Variants in ERC1 observed in about 807,000 individuals in gnomAD.
The protein encoded by ERC1 is ELKS/RAB6-interacting/CAST family member 1, also known as RAB6 interacting protein 2.
Under a neutral mutation model 132.0 loss-of-function variants are expected in ERC1, and 56 were observed. That is an observed-to-expected ratio of 0.42 (90% CI 0.34 to 0.53). The LOEUF (loss-of-function observed/expected upper bound fraction) is 0.53, where lower values mean the gene tolerates loss of function less well. ERC1 is among the 20% of genes least tolerant of loss of function. The pLI, the probability that ERC1 is intolerant of heterozygous loss-of-function variation, is 0.03. For synonymous variants in ERC1, 478 were observed against 476.1 expected, an observed-to-expected ratio of 1.00 and a Z score of -0.05; for missense variants, 1,202 against 1,349.9, an observed-to-expected ratio of 0.89 and a Z score of 1.72.
chr12:1,269,702 A>G (rs571488511), intron 14 of ERC1, among the ~76,000 whole-genome samples: 1 of 152,338 alleles, frequency 6.6e-6, no homozygotes, highest in East Asian at 1.9e-4. Flanking sequence ...CACACACCTG[A>G]AAGTGCATGA....
At chr12:1,017,414 T>C (rs1317542607) in intron 1 of ERC1, among the ~76,000 whole-genome samples, 4 of 152,200 alleles carry the variant, frequency 2.6e-5, no homozygotes, top group African/African-American at 9.6e-5. Flanking sequence ...TCTGGTAATA[T>C]TCTTCTCAGA....
rs576583977 is a variant in ERC1, at chr12:1,141,793, G to A, written c.1737+6G>A. 1.9e-4 allele frequency: 295 copies of A among 1,562,694 alleles called. 4 individuals are homozygous for A. In the South Asian group the frequency reaches 3.4e-3, roughly 18 times the overall value. ...TTAATGTTCTTCAGAAGAAGGTAAG[G>A]TACAGGTGTTTCGAGTTCAGTGGCC... On this transcript the variant is annotated splice_donor_region_variant and intron_variant, in intron 8 of 18. Transcript: ENST00000360905.
At chr12:1,196,906 A>C (rs1465158880) in intron 12 of ERC1, among the ~76,000 whole-genome samples, 7 of 782 alleles carry the variant, frequency 9.0e-3, no homozygotes, top group African/African-American at 0.053. Context: ...CTGTCTCTCT[A>C]CACACACACA....
At chr12:1,344,730 A>T (rs543798411) in intron 15 of ERC1, among the ~76,000 whole-genome samples, 22 of 152,308 alleles carry the variant, frequency 1.4e-4, no homozygotes, top group African/African-American at 5.1e-4. Context: ...TCCTGTCTGT[A>T]AGAGAGGTAT....
intron 1 of ERC1, among the ~76,000 whole-genome samples, chr12:1,025,776 G>A (rs1001050800): frequency 1.1e-4 from 16 of 151,132 alleles, no homozygotes; most frequent in Non-Finnish European, 2.2e-4. Flanking sequence ...CCCGAGACTA[G>A]GTAATTTAAA....
At chr12:1,174,590 C>G (rs1050040230) in intron 8 of ERC1, among the ~76,000 whole-genome samples, 2 of 152,132 alleles carry the variant, frequency 1.3e-5, no homozygotes, top group Admixed American at 6.5e-5. Context: ...AAATTGTTAA[C>G]ATTTTAATTC....
At chr12:1,393,543 T>C (rs941689142) in intron 16 of ERC1, among the ~76,000 whole-genome samples, 2 of 150,778 alleles carry the variant, frequency 1.3e-5, no homozygotes, top group African/African-American at 2.4e-5. Flanking sequence ...AATTTAAATA[T>C]CAAAAAGAAC....
chr12:1,006,483 A>G (rs956473591), intron 1 of ERC1, among the ~76,000 whole-genome samples: 2 of 151,824 alleles, frequency 1.3e-5, no homozygotes, highest in East Asian at 1.9e-4. Context: ...TTCCACTCCT[A>G]AGTGATCTAC....
chr12:1,198,905 T>C (rs1418437964), intron 12 of ERC1, among the ~76,000 whole-genome samples: 1 of 149,402 alleles, frequency 6.7e-6, no homozygotes, highest in Non-Finnish European at 1.5e-5. Context: ...TCCAGTCACT[T>C]CCCACCAGGC....
chr12:1,440,600 T>TTTTGTGTG (rs2093112096), intron 17 of ERC1, among the ~76,000 whole-genome samples: 1 of 51,114 alleles, frequency 2.0e-5, no homozygotes, highest in Non-Finnish European at 3.6e-5. Context: ...CCTCAGCCTT[T>TTTTGTGTG]TGTGTGTGTG....
chr12:1,066,326 G>T (rs561629384), intron 2 of ERC1, among the ~76,000 whole-genome samples: 2 of 152,198 alleles, frequency 1.3e-5, no homozygotes, highest in South Asian at 2.1e-4. Context: ...TGTCAGCATT[G>T]CAAGATAGAT....
intron 2 of ERC1, among the ~76,000 whole-genome samples, chr12:1,068,829 T>C (rs191202292): frequency 6.6e-6 from 1 of 152,320 alleles, no homozygotes; most frequent in African/African-American, 2.4e-5. Context: ...ATTGGAGCAT[T>C]GCATAGTCTC....
rs372833543 is a variant in ERC1, at chr12:1,141,611, C to T, written c.1570-9C>T. On this transcript the variant is annotated splice_polypyrimidine_tract_variant and intron_variant, in intron 7 of 18. Coordinates refer to ENST00000360905, the MANE Select transcript of ERC1 (RefSeq NM_178040.4). ...TAATTCATCACTTGTAAAACTCCTA[C>T]ATTCTTAGGTGGATGCTCTCCGATT... The T allele has an allele frequency of 7.5e-6, 12 of 1,592,204 alleles. No individual in the cohort carries two copies. In the Admixed American group the frequency reaches 1.4e-4, roughly 19 times the overall value.
At chr12:1,095,948 T>G (rs4766065) in intron 3 of ERC1, among the ~76,000 whole-genome samples, 141,076 of 144,498 alleles carry the variant, frequency 0.98, 68,903 homozygotes, top group Middle Eastern at 1. Flanking sequence ...TTTTTTTTTT[T>G]GAGATAGGGT....
At chr12:1,181,003 G>A (rs1954398567) in intron 9 of ERC1, among the ~76,000 whole-genome samples, 1 of 152,012 alleles carries the variant, frequency 6.6e-6, no homozygotes, top group Non-Finnish European at 1.5e-5. Context: ...TGTAGAGACG[G>A]GGTTTTGCCA....
chr12:1,132,139 A>G (rs1353700951), intron 7 of ERC1, among the ~76,000 whole-genome samples: 1 of 152,180 alleles, frequency 6.6e-6, no homozygotes, highest in Non-Finnish European at 1.5e-5. Context: ...ATTCAGAGCA[A>G]TTAATCTGGT....
At chr12:1,248,040 T>A (rs539207156) in intron 13 of ERC1, among the ~76,000 whole-genome samples, 41 of 152,270 alleles carry the variant, frequency 2.7e-4, no homozygotes, top group South Asian at 1.9e-3. Flanking sequence ...AAGTTGATCG[T>A]TCTAAAGATT....
At chr12:1,335,434 A>G (rs1414219331) in intron 15 of ERC1, among the ~76,000 whole-genome samples, 1 of 152,238 alleles carries the variant, frequency 6.6e-6, no homozygotes, top group Non-Finnish European at 1.5e-5. Context: ...AGTTTTTAAC[A>G]TGAAGCAATG....
intron 15 of ERC1, among the ~76,000 whole-genome samples, chr12:1,327,818 A>G (rs913153411): frequency 2.0e-5 from 3 of 150,974 alleles, no homozygotes; most frequent in African/African-American, 7.4e-5. Flanking sequence ...AAACGACCTC[A>G]ACATACCTAA....
Sources: gnomAD v4.1 joint callset for allele counts (sites outside exome capture counted in the v4.1 genomes callset) on GRCh38, gnomAD v4.1.1 for gene constraint, MANE v1.5 for transcripts, NCBI Gene and HGNC (gene_info 2026-07-23, HGNC 2026-07-21) for gene names.